UGT1A7: variants seen among roughly 807,000 people sequenced by gnomAD.
UGT1A7 encodes UDP-glucuronosyltransferase 1A7.
UGT1A7 carries 33 observed loss-of-function variants against 45.6 expected under a neutral mutation model. The ratio of observed to expected loss-of-function variants is 0.72; its 90% confidence interval spans 0.55 to 0.97. The LOEUF is 0.97. Ranked by LOEUF, UGT1A7 falls within the 50% of genes least tolerant of loss-of-function variation. UGT1A7 has a pLI of 0.00. For synonymous variants in UGT1A7, 274 were observed against 250.6 expected, an observed-to-expected ratio of 1.09 and a Z score of -0.88; for missense variants, 684 against 666.2, an observed-to-expected ratio of 1.03 and a Z score of -0.29.
intron 1 of UGT1A7, among the ~76,000 whole-genome samples, chr2:233,763,856 G>A (rs1698413440): frequency 6.6e-6 from 1 of 152,158 alleles, no homozygotes; most frequent in Non-Finnish European, 1.5e-5. Context: ...GTGGTTCACA[G>A]ACAATCGCAA....
chr2:233,725,073 G>A (rs1490927388), intron 1 of UGT1A7, among the ~76,000 whole-genome samples: 1 of 145,046 alleles, frequency 6.9e-6, no homozygotes, highest in Non-Finnish European at 1.5e-5. Context: ...TGCAATCGCA[G>A]GCACTCGGCA....
Position 233,682,007 on chromosome 2 carries a change from A to G in UGT1A7, c.70A>G (p.Lys24Glu), listed in dbSNP as rs1352564379. Reference protein sequence around the residue: ...VCLLLTCGFAKAGKLLVVPMD... With the variant: ...VCLLLTCGFAEAGKLLVVPMD... ...TCTACTGCTGACCTGTGGCTTTGCC[A>G]AGGCAGGGAAGCTGCTGGTAGTGCC... The change falls in exon 1 of 5, where the codon AAG becomes GAG. Residue 24 changes from lysine to glutamate, a missense_variant. Coordinates refer to ENST00000373426, the MANE Select transcript of UGT1A7 (RefSeq NM_019077.3). 14 of 1,614,026 alleles carry G rather than the reference A, an allele frequency of 8.7e-6. No individual in the cohort carries two copies. Among genetic ancestry groups the G allele is most frequent in the South Asian group, 2.2e-5 (2 of 91,084 alleles).
At chr2:233,722,834 TAAG>T (rs1329542867) in intron 1 of UGT1A7, among the ~76,000 whole-genome samples, 1 of 146,008 alleles carries the variant, frequency 6.8e-6, no homozygotes, top group Non-Finnish European at 1.5e-5. Flanking sequence ...TGTATTATAA[TAAG>T]AATGTTTCTT....
intron 1 of UGT1A7, among the ~76,000 whole-genome samples, chr2:233,749,659 C>T (rs1400129008): frequency 6.6e-6 from 1 of 151,752 alleles, no homozygotes. Context: ...AATTGTAATC[C>T]CCATAATCCC....
intron 1 of UGT1A7, among the ~76,000 whole-genome samples, chr2:233,684,080 T>C (rs1032271055): frequency 6.6e-6 from 1 of 152,176 alleles, no homozygotes; most frequent in Non-Finnish European, 1.5e-5. Flanking sequence ...ATTATTTTGT[T>C]AGGGATGGAG....
chr2:233,759,820 G>A (rs554010923), intron 1 of UGT1A7, among the ~76,000 whole-genome samples: 9 of 152,316 alleles, frequency 5.9e-5, no homozygotes, highest in East Asian at 1.9e-4. Context: ...AGTACCGGGG[G>A]AGCTGTGGAG....
chr2:233,718,300 C>G, intron 1 of UGT1A7, among the ~76,000 whole-genome samples: 1 of 152,240 alleles, frequency 6.6e-6, no homozygotes, highest in Non-Finnish European at 1.5e-5. Flanking sequence ...AGCCTGAACA[C>G]TCTCTGTTTA....
chr2:233,714,538 C>T (rs945612338), intron 1 of UGT1A7, among the ~76,000 whole-genome samples: 18 of 152,120 alleles, frequency 1.2e-4, no homozygotes, highest in Non-Finnish European at 2.2e-4. Flanking sequence ...GGTCTAATAC[C>T]GAAGTGTCCA....
chr2:233,751,417 C>CT, intron 1 of UGT1A7, among the ~76,000 whole-genome samples: 1 of 152,082 alleles, frequency 6.6e-6, no homozygotes, highest in East Asian at 1.9e-4. Flanking sequence ...GACTTTTGAG[C>CT]TAGTGCTGAA....
At chr2:233,739,018 C>T (rs1339173846) in intron 1 of UGT1A7, 1 of 152,272 alleles carries the variant, frequency 6.6e-6, no homozygotes, top group Non-Finnish European at 1.5e-5. Flanking sequence ...TGGCTCCAGC[C>T]ATGGCTAAAA....
chr2:233,735,677 C>A (rs1321375160), intron 1 of UGT1A7, among the ~76,000 whole-genome samples: 1 of 152,088 alleles, frequency 6.6e-6, no homozygotes. Context: ...TTAGTGCTTC[C>A]TTTAGGAGCT....
At chr2:233,726,238 A>G (rs935075477) in intron 1 of UGT1A7, among the ~76,000 whole-genome samples, 11 of 152,220 alleles carry the variant, frequency 7.2e-5, no homozygotes, top group East Asian at 3.8e-4. Context: ...TAAAACTCCA[A>G]TATGAAAAGC....
intron 1 of UGT1A7, among the ~76,000 whole-genome samples, chr2:233,740,527 G>T (rs1691411320): frequency 1.3e-5 from 2 of 151,834 alleles, no homozygotes; most frequent in African/African-American, 4.9e-5. Flanking sequence ...ACTAAAATCA[G>T]CTGTGTTGAA....
At chr2:233,698,327 T>TA in intron 1 of UGT1A7, among the ~76,000 whole-genome samples, 1 of 152,314 alleles carries the variant, frequency 6.6e-6, no homozygotes, top group South Asian at 2.1e-4. Flanking sequence ...TGGAACCAGA[T>TA]AGAGGTGTCA....
At chr2:233,738,115 G>T (rs1249005866) in intron 1 of UGT1A7, among the ~76,000 whole-genome samples, 5 of 152,176 alleles carry the variant, frequency 3.3e-5, no homozygotes, top group African/African-American at 1.2e-4. Flanking sequence ...AGATCTGATG[G>T]TTTTATAAGG....
At chr2:233,704,344 G>A (rs192964510) in intron 1 of UGT1A7, among the ~76,000 whole-genome samples, 3 of 135,994 alleles carry the variant, frequency 2.2e-5, no homozygotes, top group Non-Finnish European at 4.6e-5. Context: ...TTAAAAAGTT[G>A]TGTTCTGAGC....
chr2:233,766,888 A>G, intron 1 of UGT1A7, 146 bp from the exon 2 acceptor site: 1 of 1,462,694 alleles, frequency 6.8e-7, no homozygotes. Flanking sequence ...TGTAAAACTT[A>G]CATATTAATA....
At chr2:233,717,797 G>A (rs1227021075) in intron 1 of UGT1A7, 1 of 455,964 alleles carries the variant, frequency 2.2e-6, no homozygotes, top group African/African-American at 2.0e-5. Context: ...TTGAAGTAGT[G>A]CCCCCACAAA....
chr2:233,772,482 T>C lies in UGT1A7; in HGVS notation c.1516T>C (p.Cys506Arg). Residue 506 changes from cysteine to arginine, a missense_variant, in exon 5 of 5, where the codon TGT becomes CGT. Physicochemically the swap from Cys to Arg is radical, Grantham distance 180. Coordinates refer to ENST00000373426, the MANE Select transcript of UGT1A7 (RefSeq NM_019077.3). ...VLTVAFITFK[C>R]CAYGYRKCLG... ...GACAGTGGCCTTCATCACCTTTAAA[T>C]GTTGTGCTTATGGCTACCGGAAATG... The C allele has an allele frequency of 6.2e-7, 1 of 1,614,124 alleles. No individual in the cohort carries two copies. Among genetic ancestry groups the C allele is most frequent in the Non-Finnish European group, 8.5e-7 (1 of 1,180,034 alleles).
Sources: gnomAD v4.1 joint callset for allele counts (sites outside exome capture counted in the v4.1 genomes callset) on GRCh38, gnomAD v4.1.1 for gene constraint, MANE v1.5 for transcripts, NCBI Gene and HGNC (gene_info 2026-07-23, HGNC 2026-07-21) for gene names.